CACHD1: variants seen among roughly 807,000 people sequenced by gnomAD.
CACHD1 encodes cache domain containing 1.
A neutral mutation model predicts 138.7 loss-of-function variants in CACHD1; 71 were observed. That is an observed-to-expected ratio of 0.51 (90% CI 0.42 to 0.62). The LOEUF (loss-of-function observed/expected upper bound fraction) is 0.62. CACHD1 is among the 20% of genes least tolerant of loss of function. The probability of loss-of-function intolerance (pLI) is 0.00; values close to 1 mark genes in which losing one functional copy is unlikely to be tolerated. For missense variants in CACHD1, 1,389 were observed against 1,625.3 expected, an observed-to-expected ratio of 0.85 and a Z score of 2.50; for synonymous variants, 578 against 591.5, an observed-to-expected ratio of 0.98 and a Z score of 0.33.
At chr1:64,609,471 T>C (rs144529803) in intron 4 of CACHD1, among the ~76,000 whole-genome samples, 55 of 152,356 alleles carry the variant, frequency 3.6e-4, no homozygotes, top group African/African-American at 1.0e-3. Flanking sequence ...TGTATACTTA[T>C]GTATATGCAT....
At chr1:64,553,909 A>C (rs1005612770) in intron 2 of CACHD1, among the ~76,000 whole-genome samples, 3 of 152,228 alleles carry the variant, frequency 2.0e-5, no homozygotes, top group Admixed American at 6.5e-5. Context: ...CATATTCATT[A>C]GAAGCACCCA....
At chr1:64,483,870 C>T (rs1213638356) in intron 1 of CACHD1, among the ~76,000 whole-genome samples, 1 of 145,422 alleles carries the variant, frequency 6.9e-6, no homozygotes, top group Non-Finnish European at 1.5e-5. Context: ...ACCTTCCCCC[C>T]CCCCCTTGCA....
intron 14 of CACHD1, 108 bp downstream of exon 14, chr1:64,663,945 T>A: frequency 1.4e-6 from 2 of 1,415,398 alleles, no homozygotes; most frequent in Non-Finnish European, 1.9e-6. Flanking sequence ...CATCTGTGCC[T>A]CTCAGCTGGA....
intron 1 of CACHD1, among the ~76,000 whole-genome samples, chr1:64,533,184 C>T (rs562861964): frequency 1.4e-4 from 21 of 152,186 alleles, no homozygotes; most frequent in Admixed American, 1.2e-3. Flanking sequence ...GGTGAAACCC[C>T]GTCTCTACTA....
chr1:64,628,685 A>G (rs183354948), intron 4 of CACHD1, among the ~76,000 whole-genome samples: 30 of 152,266 alleles, frequency 2.0e-4, no homozygotes, highest in African/African-American at 6.7e-4. Flanking sequence ...CAGCTTGGCC[A>G]TTTACTGATG....
chr1:64,535,046 T>C (rs1017991857), intron 1 of CACHD1, among the ~76,000 whole-genome samples: 3 of 152,196 alleles, frequency 2.0e-5, no homozygotes, highest in African/African-American at 7.2e-5. Flanking sequence ...GGCAGAGACA[T>C]TACAAATCAA....
In CACHD1 at chr1:64,608,950, G is replaced by A. The variant is rs746321150; in HGVS notation, c.517+6038G>A. 1.3e-4 allele frequency among the ~76,000 whole-genome samples: 20 copies of A among 152,126 alleles called. 1 individual carries two copies. Among genetic ancestry groups the A allele is most frequent in the Admixed American group, 8.5e-4 (13 of 15,284 alleles). On this transcript the variant is annotated intron_variant, in intron 4 of 26. Coordinates refer to ENST00000651257, the MANE Select transcript of CACHD1 (RefSeq NM_020925.4). Reference sequence around the variant, plus strand: ...AAAGCGTCTGGACTTTCTTTATTGCGTTTGATTTTAAAGAGCATTTGAAGT... The same window carrying A: ...AAAGCGTCTGGACTTTCTTTATTGCATTTGATTTTAAAGAGCATTTGAAGT...
At chr1:64,487,938 T>C (rs1022752184) in intron 1 of CACHD1, among the ~76,000 whole-genome samples, 2 of 152,210 alleles carry the variant, frequency 1.3e-5, no homozygotes, top group African/African-American at 4.8e-5. Context: ...ATAATATGTT[T>C]TATAGATAGA....
chr1:64,676,410 A>G (rs1332200881), intron 21 of CACHD1, among the ~76,000 whole-genome samples: 1 of 152,180 alleles, frequency 6.6e-6, no homozygotes, highest in African/African-American at 2.4e-5. Context: ...CACCAGGAAA[A>G]TAAATTGTAA....
intron 8 of CACHD1, among the ~76,000 whole-genome samples, chr1:64,646,717 G>A (rs987926590): frequency 3.3e-5 from 5 of 152,246 alleles, no homozygotes; most frequent in Admixed American, 6.5e-5. Context: ...GGGTGACAGA[G>A]GGAAACTGTC....
intron 7 of CACHD1, among the ~76,000 whole-genome samples, chr1:64,636,852 C>A (rs1202870717): frequency 3.3e-5 from 5 of 152,096 alleles, no homozygotes; most frequent in Non-Finnish European, 7.4e-5. Flanking sequence ...TCATTACTTG[C>A]CATATTCTTC....
chr1:64,477,703 C>T (rs1373593352), intron 1 of CACHD1, among the ~76,000 whole-genome samples: 1 of 150,566 alleles, frequency 6.6e-6, no homozygotes, highest in Non-Finnish European at 1.5e-5. Flanking sequence ...GGCACAATTT[C>T]GGCTCACTGC....
chr1:64,622,173 G>A (rs147830777), intron 4 of CACHD1, among the ~76,000 whole-genome samples: 1 of 152,310 alleles, frequency 6.6e-6, no homozygotes, highest in East Asian at 1.9e-4. Context: ...TCTCTAACCT[G>A]TTGAACAACT....
intron 1 of CACHD1, among the ~76,000 whole-genome samples, chr1:64,491,930 G>T (rs944078251): frequency 8.8e-5 from 13 of 147,832 alleles, no homozygotes; most frequent in Non-Finnish European, 1.6e-4. Flanking sequence ...GGTTTTTTTT[G>T]TTTGTTTGTT....
At chr1:64,663,100 G>T in intron 13 of CACHD1, among the ~76,000 whole-genome samples, 1 of 152,208 alleles carries the variant, frequency 6.6e-6, no homozygotes, top group Non-Finnish European at 1.5e-5. Flanking sequence ...TTTCATGTGT[G>T]TCATAAGCTG....
intron 19 of CACHD1, among the ~76,000 whole-genome samples, chr1:64,674,454 A>G (rs1649919620): frequency 6.6e-6 from 1 of 152,228 alleles, no homozygotes; most frequent in Admixed American, 6.5e-5. Context: ...ATACTCAGGT[A>G]GATACTTCTC....
chr1:64,609,146 A>T (rs768925954), intron 4 of CACHD1, among the ~76,000 whole-genome samples: 15 of 152,192 alleles, frequency 9.9e-5, no homozygotes, highest in Admixed American at 2.6e-4. Flanking sequence ...TCTATGAATG[A>T]TAATGAGTAG....
chr1:64,523,777 A>G (rs951248391), intron 1 of CACHD1, among the ~76,000 whole-genome samples: 1 of 152,254 alleles, frequency 6.6e-6, no homozygotes, highest in African/African-American at 2.4e-5. Context: ...AGAAAAAGTC[A>G]GAAATAGTCT....
rs554868581 is a variant in CACHD1 at position 64,673,166 on chromosome 1, T to C, written c.2519T>C (p.Ile840Thr). 868 of 1,611,792 alleles carry C rather than the reference T, an allele frequency of 5.4e-4. 10 individuals are homozygous for C. In the South Asian group the frequency reaches 7.8e-3, roughly 14 times the overall value. Residue 840 changes from isoleucine to threonine, a missense_variant, in exon 18 of 27, where the codon ATA becomes ACA. By Grantham distance (89) the Ile-to-Thr change is moderately conservative. This residue lies in a region of CACHD1 where 1,000 missense variants were observed against 1,114.7 expected (regional missense o/e 0.90). Transcript: ENST00000651257. ...AACTTGTTTTGGTACAGGTGCTTCA[T>C]AATGGAGGACAGGGGTTATCTGGTG... ...QDGGNKIRCF[I>T]MEDRGYLVAH...
Sources: allele counts gnomAD v4.1 joint callset (sites outside exome capture counted in the v4.1 genomes callset), GRCh38; gene constraint gnomAD v4.1.1; regional missense constraint gnomAD v4.1.1; transcripts MANE v1.5; gene names NCBI Gene and HGNC (gene_info 2026-07-23, HGNC 2026-07-21).